SOCS2: variants seen among roughly 807,000 people sequenced by gnomAD.
The protein encoded by SOCS2 is CIS-2.
In SOCS2, 10 loss-of-function variants were observed where a neutral mutation model predicts 18.6. The ratio of observed to expected loss-of-function variants is 0.54; its 90% CI spans 0.33 to 0.91. The LOEUF is 0.91. Among genes scored for constraint, SOCS2 ranks in the 40% least tolerant of loss-of-function variants. The pLI, the probability that SOCS2 is intolerant of heterozygous loss-of-function variation, is 0.02. For synonymous variants in SOCS2, 104 were observed against 104.0 expected (o/e 1.00, Z 0.00); for missense variants, 231 against 247.2 (o/e 0.93, Z 0.44).
At chr12:93,594,364 T>C in the SOCS2 span, among the ~76,000 whole-genome samples, 1 of 152,174 alleles carries the variant, frequency 6.6e-6, no homozygotes, top group African/African-American at 2.4e-5. Context: ...TATAGTACTT[T>C]CATTTTTACA....
Position 93,575,288 on chromosome 12 carries a change from A to G in SOCS2, c.*109A>G. ...GGATAACTATATGGAATGCTTTCTA[A>G]GAACAGCTGAAGCTAATCTAATTTA... On this transcript the variant is annotated 3_prime_UTR_variant, in exon 2 of 2. Coordinates refer to ENST00000551556, the MANE Select transcript of SOCS2 (RefSeq NM_001270471.2). 1.4e-6 allele frequency: 1 copy of G among 707,890 alleles called. No homozygotes were observed. The highest frequency in any genetic ancestry group is 2.2e-6 in the Non-Finnish European group (1 of 447,802). The allele number at this position is 707,890 out of a possible 1,614,324, so 43.9% of individuals were successfully genotyped here. A position where few individuals can be genotyped will look rare whatever the true frequency, so the allele number is the denominator to read the frequency against.
At chr12:93,622,053 A>T in the SOCS2 span, among the ~76,000 whole-genome samples, 1 of 152,208 alleles carries the variant, frequency 6.6e-6, no homozygotes, top group African/African-American at 2.4e-5. Flanking sequence ...TGTAGGTTGA[A>T]CTTGGCCTGC....
downstream of SOCS2, among the ~76,000 whole-genome samples, chr12:93,587,187 A>G (rs150490224): frequency 1.3e-5 from 2 of 152,020 alleles, no homozygotes; most frequent in African/African-American, 4.8e-5. Flanking sequence ...AAAAACAAAA[A>G]ACATAGTCCC....
downstream of SOCS2, among the ~76,000 whole-genome samples, chr12:93,578,680 T>TCACA (rs1565843789): frequency 2.6e-5 from 3 of 116,960 alleles, no homozygotes; most frequent in Non-Finnish European, 5.4e-5. Context: ...ATTTGCATGC[T>TCACA]CGCACACACA....
chr12:93,604,855 C>T, the SOCS2 span, among the ~76,000 whole-genome samples: 3 of 151,872 alleles, frequency 2.0e-5, no homozygotes, highest in African/African-American at 7.3e-5. Context: ...GAGACAGGGT[C>T]CCACTATGTT....
the SOCS2 span, among the ~76,000 whole-genome samples, chr12:93,608,168 T>C: frequency 6.7e-6 from 1 of 148,646 alleles, no homozygotes; most frequent in South Asian, 2.1e-4. Flanking sequence ...TTTTGTTTTT[T>C]GGTTTTTTTT....
At position 93,572,923 on chromosome 12, in the gene SOCS2, C is replaced by T. The variant is rs1954307425; in HGVS notation, c.26C>T (p.Ser9Phe). MTLRCLEP[S>F]GNGGEGTRSQ... ...ATGACCCTGCGGTGCCTTGAGCCCT[C>T]CGGGAATGGCGGGGAAGGGACGCGG... Residue 9 changes from serine (S) to phenylalanine (F), a missense_variant, in exon 1 of 2, where the codon TCC becomes TTC. Transcript: ENST00000551556. The surrounding 1 kb of genome is among the most constrained non-coding windows in gnomAD (Gnocchi z 5.0). The T allele has an allele frequency of 6.3e-7, 1 of 1,582,628 alleles. No individual in the cohort carries two copies. Among genetic ancestry groups the T allele is most frequent in the African/African-American group, 1.3e-5 (1 of 74,354 alleles).
At chr12:93,588,844 ACTC>A in the SOCS2 span, among the ~76,000 whole-genome samples, 1 of 151,030 alleles carries the variant, frequency 6.6e-6, no homozygotes, top group African/African-American at 2.4e-5. Context: ...CTGGTCTTGA[ACTC>A]CTGACCTCAG....
At position 93,576,449 on chromosome 12, in the gene SOCS2, G is replaced by A. The variant is rs1954464730; in HGVS notation, c.*1270G>A. On this transcript the variant is annotated 3_prime_UTR_variant, in exon 2 of 2. Transcript: ENST00000551556. Reference sequence around the variant, plus strand: ...AATAGGCATAACACTGATGTCCTCTGTGTTTCCAAAAACATGGTTTAGAAA... The same window carrying A: ...AATAGGCATAACACTGATGTCCTCTATGTTTCCAAAAACATGGTTTAGAAA... 1 of 152,160 alleles carries A rather than the reference G, an allele frequency of 6.6e-6. No individual in the cohort carries two copies. The highest frequency in any genetic ancestry group is 2.4e-5 in the African/African-American group (1 of 41,434). The allele number at this position is 152,160 out of a possible 1,614,324, so 9.4% of individuals were successfully genotyped here.
At chr12:93,602,615 G>A in the SOCS2 span, among the ~76,000 whole-genome samples, 27 of 152,210 alleles carry the variant, frequency 1.8e-4, no homozygotes, top group African/African-American at 6.5e-4. Flanking sequence ...TTTCAGAGTT[G>A]AGTCCACTTC....
the SOCS2 span, among the ~76,000 whole-genome samples, chr12:93,608,069 T>G: frequency 8.1e-5 from 12 of 148,786 alleles, no homozygotes; most frequent in Non-Finnish European, 1.3e-4. Context: ...GGTGCAATCA[T>G]AACTCGCTGC....
At chr12:93,624,432 T>C in the SOCS2 span, among the ~76,000 whole-genome samples, 2 of 152,020 alleles carry the variant, frequency 1.3e-5, no homozygotes, top group Non-Finnish European at 2.9e-5. Context: ...ATTAGCCAGG[T>C]GTGGTGGCAG....
chr12:93,589,089 A>G, the SOCS2 span, among the ~76,000 whole-genome samples: 9 of 152,202 alleles, frequency 5.9e-5, no homozygotes, highest in Non-Finnish European at 1.2e-4. Flanking sequence ...ATGGTTTAAA[A>G]CACGGAAAAC....
At chr12:93,591,530 G>A in the SOCS2 span, among the ~76,000 whole-genome samples, 2 of 152,198 alleles carry the variant, frequency 1.3e-5, no homozygotes, top group East Asian at 3.9e-4. Context: ...GCTGGCTCTA[G>A]CGTCTACGAT....
At chr12:93,573,784 C>A (rs1161610838) in intron 1 of SOCS2, 1 of 152,106 alleles carries the variant, frequency 6.6e-6, no homozygotes, top group African/African-American at 2.4e-5. Context: ...CTTGCGATTC[C>A]GGTCTTTCCG....
the SOCS2 span, among the ~76,000 whole-genome samples, chr12:93,626,111 A>ATTGCTTAGATCT: frequency 1.3e-5 from 2 of 152,126 alleles, no homozygotes; most frequent in Non-Finnish European, 2.9e-5. Context: ...GCCTGAGATC[A>ATTGCTTAGATCT]TTGCTTAGAT....
At chr12:93,573,275 C>T in intron 1 of SOCS2, 1 of 593,004 alleles carries the variant, frequency 1.7e-6, no homozygotes, top group East Asian at 2.9e-5. Context: ...TTGGAAATAG[C>T]TTCTTAGCAC....
rs148086876 is a variant in SOCS2 at position 93,574,885 on chromosome 12, C to T, written c.303C>T (p.Asp101=). ...GPTNLRIEYQ[D]GKFRLDSIIC... ...CTAATCTTCGAATCGAATACCAAGA[C>T]GGAAAATTCAGATTGGACTCTATCA... Residue 101 remains aspartate, a synonymous_variant, in exon 2 of 2, where the codon GAC becomes GAT. Transcript: ENST00000551556. 1.0e-4 allele frequency: 161 copies of T among 1,614,164 alleles called. No individual in the cohort carries two copies. The highest frequency in any genetic ancestry group is 9.7e-5 in the Non-Finnish European group (115 of 1,180,046).
downstream of SOCS2, among the ~76,000 whole-genome samples, chr12:93,588,461 A>G (rs935374600): frequency 6.6e-6 from 1 of 152,158 alleles, no homozygotes; most frequent in Non-Finnish European, 1.5e-5. Context: ...GGTCCATAAA[A>G]AAAGTCAAAA....
Sources: gnomAD v4.1 joint callset for allele counts (sites outside exome capture counted in the v4.1 genomes callset) on GRCh38, gnomAD v4.1.1 for gene constraint, Gnocchi (gnomAD v3.1) non-coding constraint, MANE v1.5 for transcripts, NCBI Gene and HGNC (gene_info 2026-07-23, HGNC 2026-07-21) for gene names.